DAZAP1: variants seen among roughly 807,000 people sequenced by gnomAD.
DAZAP1 encodes the protein DAZ-associated protein 1.
Under a neutral mutation model 60.1 loss-of-function variants are expected in DAZAP1, and 6 were observed. The ratio of observed to expected loss-of-function variants is 0.10; its 90% CI spans 0.05 to 0.20. DAZAP1 has a LOEUF of 0.20. Ranked by LOEUF, DAZAP1 falls within the 10% of genes least tolerant of loss-of-function variation. DAZAP1 has a pLI of 1.00. For missense variants in DAZAP1, 366 were observed against 560.4 expected (o/e 0.65, Z 3.50); for synonymous variants, 235 against 215.9 (o/e 1.09, Z -0.78).
intron 8 of DAZAP1, 60 bp from the exon 9 acceptor site, chr19:1,429,907 T>C (rs969990321): frequency 2.0e-5 from 31 of 1,550,752 alleles, no homozygotes; most frequent in East Asian, 1.9e-4. Context: ...TGCGGCTCCT[T>C]CTCTGCGTCG....
At chr19:1,415,702 G>A (rs3786981) in intron 1 of DAZAP1, 5,621 of 152,262 alleles carry the variant, frequency 0.037, 128 homozygotes, top group Non-Finnish European at 0.054. Flanking sequence ...CGAAGGGTGC[G>A]TGGGAGACGT....
chr19:1,428,875 A>C lies in DAZAP1; in HGVS notation c.580A>C (p.Lys194Gln). The change falls in exon 8 of 12, where the codon AAG becomes CAG. Residue 194 changes from lysine to glutamine, a missense_variant. By Grantham distance (53) the Lys-to-Gln change is moderately conservative. This residue lies in a region of DAZAP1 where 240 missense variants were observed against 308.8 expected (regional missense o/e 0.78). Coordinates refer to ENST00000233078, the MANE Select transcript of DAZAP1 (RefSeq NM_018959.4). This position sits in a 1 kb window ranked among gnomAD's most constrained non-coding sequence, Gnocchi z 4.0. The part of the protein sequence containing the change: ...EVKRAEPRDS[K>Q]SQAPGQPGAS... ...TAAACGAGCTGAGCCTCGGGACAGC[A>C]AGAGCCAAGCGCCGGGACAGCCAGG... 6.2e-7 allele frequency: 1 copy of C among 1,613,074 alleles called. No homozygotes were observed. The highest frequency in any genetic ancestry group is 8.5e-7 in the Non-Finnish European group (1 of 1,179,900).
At chr19:1,421,727 G>A (rs1169426236) in intron 5 of DAZAP1, among the ~76,000 whole-genome samples, 3 of 152,224 alleles carry the variant, frequency 2.0e-5, no homozygotes, top group Admixed American at 6.5e-5. Context: ...AGGCAGGGGC[G>A]TGTGGTCACC....
Position 1,432,369 on chromosome 19 carries a change from T to C in DAZAP1, c.872-145T>C. 1 of 818,786 alleles carries C rather than the reference T, an allele frequency of 1.2e-6. No homozygotes were observed. The highest frequency in any genetic ancestry group is 1.9e-5 in the Admixed American group (1 of 53,860). 50.7% of individuals were successfully genotyped at this position (818,786 alleles called of 1,614,324 possible). A position where few individuals can be genotyped will look rare whatever the true frequency, so the allele number is the denominator to read the frequency against. On this transcript the variant is annotated intron_variant, in intron 10 of 11. Coordinates refer to ENST00000233078, the MANE Select transcript of DAZAP1 (RefSeq NM_018959.4). The surrounding 1 kb of genome is among the most constrained non-coding windows in gnomAD (Gnocchi z 4.9). The stretch of plus-strand genomic sequence containing the variant: ...GACCGTGGCTCTGTGGTCCATTCTG[T>C]GGATGTCCACAAGGCCTGGGCGTTC...
chr19:1,418,601 T>G lies in DAZAP1; in HGVS notation c.238-65T>G. On this transcript the variant is annotated intron_variant, in intron 3 of 11. Coordinates refer to ENST00000233078, the MANE Select transcript of DAZAP1 (RefSeq NM_018959.4). The surrounding 1 kb of genome is among the most constrained non-coding windows in gnomAD (Gnocchi z 5.7). Reference sequence around the variant, plus strand: ...TGCTGTGCCGTGGCTGCTGTTGTGCTGACACCCTCTTTCCTAGAGAAACAG... The same window carrying G: ...TGCTGTGCCGTGGCTGCTGTTGTGCGGACACCCTCTTTCCTAGAGAAACAG... The G allele has an allele frequency of 3.1e-6, 5 of 1,599,866 alleles. No homozygotes were observed. The South Asian group carries it at 5.5e-5, about 18-fold the overall frequency.
intron 10 of DAZAP1, 24 bp downstream of exon 10, chr19:1,430,386 A>G: frequency 1.4e-6 from 2 of 1,472,206 alleles, no homozygotes; most frequent in Non-Finnish European, 1.8e-6. Context: ...GCCTTGTGGG[A>G]GGGCCTCCCG....
chr19:1,424,991 C>G (rs1164381699), intron 6 of DAZAP1, among the ~76,000 whole-genome samples: 1 of 152,238 alleles, frequency 6.6e-6, no homozygotes, highest in Non-Finnish European at 1.5e-5. Flanking sequence ...CCCAGACCCA[C>G]TAAACTTCGT....
intron 1 of DAZAP1, among the ~76,000 whole-genome samples, chr19:1,408,537 A>AT (rs1555778849): frequency 2.1e-5 from 3 of 144,834 alleles, no homozygotes; most frequent in East Asian, 4.4e-4. Flanking sequence ...CTCCCATCCC[A>AT]CCCCCCCAAA....
rs1406015432 is a variant in DAZAP1 at position 1,432,270 on chromosome 19, C to T, written c.872-244C>T. On this transcript the variant is annotated intron_variant, in intron 10 of 11. Coordinates refer to ENST00000233078, the MANE Select transcript of DAZAP1 (RefSeq NM_018959.4). This position sits in a 1 kb window ranked among gnomAD's most constrained non-coding sequence, Gnocchi z 4.9. ...CACCTGGCGGCTGCTCCGTGAGGAACGAGGTGGCCCTGCTGCAGCTCAGCA... is the reference window on the plus strand; with the variant it reads ...CACCTGGCGGCTGCTCCGTGAGGAATGAGGTGGCCCTGCTGCAGCTCAGCA... 2.7e-5 allele frequency: 15 copies of T among 550,222 alleles called. No homozygotes were observed. The highest frequency in any genetic ancestry group is 6.5e-5 in the East Asian group (2 of 30,906). 34.1% of individuals were successfully genotyped at this position (550,222 alleles called of 1,614,324 possible). A position where few individuals can be genotyped will look rare whatever the true frequency, so the allele number is the denominator to read the frequency against.
rs375479584 is a variant in DAZAP1 at position 1,433,884 on chromosome 19, G to A, written c.1049-853G>A. The A allele has an allele frequency of 8.6e-6, 13 of 1,517,364 alleles. No individual in the cohort carries two copies. The highest frequency in any genetic ancestry group is 3.4e-5 in the Admixed American group (2 of 59,512). 94.0% of individuals were successfully genotyped at this position (1,517,364 alleles called of 1,614,324 possible). A position where few individuals can be genotyped will look rare whatever the true frequency, so the allele number is the denominator to read the frequency against. On this transcript the variant is annotated intron_variant, in intron 11 of 11. Coordinates refer to ENST00000233078, the MANE Select transcript of DAZAP1 (RefSeq NM_018959.4). This position sits in a 1 kb window ranked among gnomAD's most constrained non-coding sequence, Gnocchi z 6.1. ...CACCCGCCTGCACCGGGAGGTGGAC[G>A]TGGCTTCCTCTGCCGTCCCGGGCGG...
intron 8 of DAZAP1, among the ~76,000 whole-genome samples, chr19:1,429,513 G>A (rs984434539): frequency 2.0e-5 from 3 of 152,320 alleles, no homozygotes; most frequent in East Asian, 1.9e-4. Context: ...AGCCCGACCC[G>A]AGTTGTGGGT....
chr19:1,418,562 G>A lies in DAZAP1; in HGVS notation c.238-104G>A, dbSNP rs528407886. On this transcript the variant is annotated intron_variant, in intron 3 of 11. Coordinates refer to ENST00000233078, the MANE Select transcript of DAZAP1 (RefSeq NM_018959.4). The surrounding 1 kb of genome is among the most constrained non-coding windows in gnomAD (Gnocchi z 5.7). Reference sequence around the variant, plus strand: ...ACAGGGTGAATGGAGCCGGCGGGGCGGGGCGGGCCGGGCTGCTGTGCCGTG... The same window carrying A: ...ACAGGGTGAATGGAGCCGGCGGGGCAGGGCGGGCCGGGCTGCTGTGCCGTG... 1.6e-4 allele frequency: 242 copies of A among 1,482,636 alleles called. 7 individuals carry two copies. In the South Asian group the frequency reaches 2.4e-3, roughly 15 times the overall value. The allele number at this position is 1,482,636 out of a possible 1,614,324, so 91.8% of individuals were successfully genotyped here.
rs746532113 is a variant in DAZAP1, at chr19:1,428,871, C to T, written c.576C>T (p.Asp192=). Residue 192 remains aspartate (D), a synonymous_variant, in exon 8 of 12, where the codon GAC becomes GAT. Transcript: ENST00000233078. This position sits in a 1 kb window ranked among gnomAD's most constrained non-coding sequence, Gnocchi z 4.0. ...AAGTTAAACGAGCTGAGCCTCGGGA[C>T]AGCAAGAGCCAAGCGCCGGGACAGC... ...KVEVKRAEPR[D]SKSQAPGQPG... 4 of 1,613,096 alleles carry T rather than the reference C, an allele frequency of 2.5e-6. No individual in the cohort carries two copies. In the East Asian group the frequency reaches 8.9e-5, roughly 36 times the overall value.
chr19:1,430,254 G>GCCCCCCCCCCCCCC lies in DAZAP1; in HGVS notation c.770_771insCCCCCCCCCCCCCC (p.Phe262ArgfsTer78). ...TGGACCGCCCCCTGCAGGAAGAGGA[G>GCCCCCCCCCCCCCC]CCCCCCCGCCACCCCCACCGTTCAC... On this transcript the variant is annotated frameshift_variant, in exon 10 of 12. Coordinates refer to ENST00000233078, the MANE Select transcript of DAZAP1 (RefSeq NM_018959.4). LOFTEE classifies it high-confidence loss of function. 7 of 1,295,250 alleles carry GCCCCCCCCCCCCCC rather than the reference G, an allele frequency of 5.4e-6. No individual in the cohort carries two copies. The highest frequency in any genetic ancestry group is 7.6e-6 in the Non-Finnish European group (7 of 924,060). 80.2% of individuals were successfully genotyped at this position (1,295,250 alleles called of 1,614,324 possible).
At chr19:1,407,894 C>T in intron 1 of DAZAP1, 92 bp downstream of exon 1, 3 of 1,008,152 alleles carry the variant, frequency 3.0e-6, no homozygotes, top group Non-Finnish European at 3.6e-6. Context: ...CCCGGGGCCG[C>T]CCCGTCAAGG....
chr19:1,418,475 G>A lies in DAZAP1; in HGVS notation c.237+105G>A. ...CCGATGTTTGCGTTAGAGTATGTTT[G>A]AACGTGGGGTCGATTGGGAAGGATT... is the stretch of plus-strand genomic sequence containing the variant. On this transcript the variant is annotated intron_variant, in intron 3 of 11. Transcript: ENST00000233078. This position sits in a 1 kb window ranked among gnomAD's most constrained non-coding sequence, Gnocchi z 5.7. The A allele has an allele frequency of 3.4e-6, 5 of 1,480,762 alleles. No homozygotes were observed. The highest frequency in any genetic ancestry group is 4.7e-6 in the Non-Finnish European group (5 of 1,071,304). The allele number at this position is 1,480,762 out of a possible 1,614,324, so 91.7% of individuals were successfully genotyped here.
At position 1,425,497 on chromosome 19, in the gene DAZAP1, C is replaced by A. The variant is rs1172025224; in HGVS notation, c.464-381C>A. Among the ~76,000 whole-genome samples the A allele has an allele frequency of 2.0e-5, 3 of 152,254 alleles. No individual in the cohort carries two copies. On this transcript the variant is annotated intron_variant, in intron 6 of 11. Coordinates refer to ENST00000233078, the MANE Select transcript of DAZAP1 (RefSeq NM_018959.4). The surrounding 1 kb of genome is among the most constrained non-coding windows in gnomAD (Gnocchi z 5.4). ...TCAAGCACGGGCCTCTGACCCTCCC[C>A]TGGGGGGCGCTTTGTCTGCCAGTAG...
chr19:1,434,964 G>T lies in DAZAP1; in HGVS notation c.*52G>T. 9.8e-7 allele frequency: 1 copy of T among 1,020,358 alleles called. No individual in the cohort carries two copies. Among genetic ancestry groups the T allele is most frequent in the South Asian group, 3.4e-5 (1 of 29,594 alleles). The allele number at this position is 1,020,358 out of a possible 1,614,324, so 63.2% of individuals were successfully genotyped here. ...CCCAGACCCAGGATTCCAAACTTGT[G>T]AACTCGTGACAATCACAAACTTGGC... On this transcript the variant is annotated 3_prime_UTR_variant, in exon 12 of 12. Coordinates refer to ENST00000233078, the MANE Select transcript of DAZAP1 (RefSeq NM_018959.4). The surrounding 1 kb of genome is among the most constrained non-coding windows in gnomAD (Gnocchi z 8.0).
At chr19:1,411,293 G>C (rs1321608440) in intron 1 of DAZAP1, among the ~76,000 whole-genome samples, 1 of 152,230 alleles carries the variant, frequency 6.6e-6, no homozygotes, top group East Asian at 1.9e-4. Context: ...GGCACTGCAG[G>C]GTGCTGGGCA....
Sources: allele counts gnomAD v4.1 joint callset (sites outside exome capture counted in the v4.1 genomes callset), GRCh38; gene constraint gnomAD v4.1.1; regional missense constraint gnomAD v4.1.1; non-coding constraint Gnocchi (gnomAD v3.1); transcripts MANE v1.5; gene names NCBI Gene and HGNC (gene_info 2026-07-23, HGNC 2026-07-21).